Variants in EEF2K observed in about 807,000 individuals in gnomAD.
The protein encoded by EEF2K is alternative protein EEF2K.
Under a neutral mutation model 93.8 loss-of-function variants are expected in EEF2K, and 70 were observed. That is an observed-to-expected ratio of 0.75 (90% CI 0.62 to 0.91). EEF2K has a LOEUF of 0.91. EEF2K is among the 40% of genes least tolerant of loss of function. The pLI, the probability that EEF2K is intolerant of heterozygous loss-of-function variation, is 0.00. For synonymous variants in EEF2K, 376 were observed against 380.8 expected, an observed-to-expected ratio of 0.99 and a Z score of 0.15; for missense variants, 935 against 972.9, an observed-to-expected ratio of 0.96 and a Z score of 0.52.
chr16:22,242,366 G>A (rs1053655299), intron 2 of EEF2K, among the ~76,000 whole-genome samples: 5 of 151,996 alleles, frequency 3.3e-5, no homozygotes, highest in African/African-American at 1.2e-4. Context: ...CTGTCACCCA[G>A]GCTGGAGTGC....
chr16:22,248,158 G>A lies in EEF2K; in HGVS notation c.348-597G>A, dbSNP rs375444326. Among the ~76,000 whole-genome samples the A allele has an allele frequency of 4.6e-5, 7 of 151,998 alleles. No individual in the cohort carries two copies. The South Asian group carries it at 6.2e-4, about 14-fold the overall frequency. ...CGGCTCACTGTGACCTCCGCCTCCC[G>A]GGTTCAAGCGATTCTCCTGCCTCAG... On this transcript the variant is annotated intron_variant, in intron 3 of 17. Coordinates refer to ENST00000263026, the MANE Select transcript of EEF2K (RefSeq NM_013302.5).
At chr16:22,234,877 C>CTT (rs1173052779) in intron 2 of EEF2K, among the ~76,000 whole-genome samples, 2,926 of 90,548 alleles carry the variant, frequency 0.032, 136 homozygotes, top group Middle Eastern at 0.069. Flanking sequence ...TTTTTTGTTG[C>CTT]TTTTTTTTTT....
chr16:22,261,971 C>T (rs2047468420), intron 11 of EEF2K, among the ~76,000 whole-genome samples: 1 of 150,832 alleles, frequency 6.6e-6, no homozygotes, highest in African/African-American at 2.5e-5. Context: ...CGCCACTGCA[C>T]TACAGCCTGG....
At position 22,284,656 on chromosome 16, in the gene EEF2K, G is replaced by C. The variant is rs185853475; in HGVS notation, c.*660G>C. The C allele has an allele frequency of 6.9e-6, 1 of 145,452 alleles. No homozygotes were observed. Among genetic ancestry groups the C allele is most frequent in the East Asian group, 2.0e-4 (1 of 5,020 alleles). The allele number at this position is 145,452 out of a possible 1,614,324, so 9.0% of individuals were successfully genotyped here. On this transcript the variant is annotated 3_prime_UTR_variant, in exon 18 of 18. Coordinates refer to ENST00000263026, the MANE Select transcript of EEF2K (RefSeq NM_013302.5). Reference sequence around the variant, plus strand: ...GATATAAGAAAGTGCTTTTTGCCTTGAATGGACAATTTTAGGGCTGTGCTC... The same window carrying C: ...GATATAAGAAAGTGCTTTTTGCCTTCAATGGACAATTTTAGGGCTGTGCTC...
At chr16:22,255,722 A>T (rs1359270179) in intron 6 of EEF2K, among the ~76,000 whole-genome samples, 6 of 152,088 alleles carry the variant, frequency 3.9e-5, no homozygotes, top group Non-Finnish European at 2.9e-5. Flanking sequence ...CAGCCTAGGC[A>T]ACATAGTGAG....
rs144802812 is a variant in EEF2K at position 22,263,442 on chromosome 16, C to A, written c.1377+255C>A. 954 of 202,000 alleles carry A rather than the reference C, an allele frequency of 4.7e-3. 6 individuals are homozygous for A. The highest frequency in any genetic ancestry group is 0.021 in the African/African-American group (891 of 42,586). 12.5% of individuals were successfully genotyped at this position (202,000 alleles called of 1,614,324 possible). A position where few individuals can be genotyped will look rare whatever the true frequency, so the allele number is the denominator to read the frequency against. On this transcript the variant is annotated intron_variant, in intron 12 of 17. Transcript: ENST00000263026. ...TGGCCAACATGGTGAAACCCCGTCTCTACTAACAATACAAAAATTAGCCTG... is the reference window on the plus strand; with the variant it reads ...TGGCCAACATGGTGAAACCCCGTCTATACTAACAATACAAAAATTAGCCTG...
intron 1 of EEF2K, among the ~76,000 whole-genome samples, chr16:22,214,407 A>G (rs532907642): frequency 1.3e-5 from 2 of 151,900 alleles, no homozygotes; most frequent in Admixed American, 6.6e-5. Context: ...GCACCATTGC[A>G]CTCCAGCCTG....
At chr16:22,268,011 T>C (rs1277663043) in intron 15 of EEF2K, among the ~76,000 whole-genome samples, 1 of 152,052 alleles carries the variant, frequency 6.6e-6, no homozygotes, top group African/African-American at 2.4e-5. Flanking sequence ...CCTAGGCTCA[T>C]TGTGGGTGCA....
At chr16:22,236,491 C>T (rs1258330926) in intron 2 of EEF2K, among the ~76,000 whole-genome samples, 1 of 151,850 alleles carries the variant, frequency 6.6e-6, no homozygotes, top group Non-Finnish European at 1.5e-5. Flanking sequence ...GCCTAGACTT[C>T]TGAGCTGTAT....
At chr16:22,244,831 G>C (rs539865580) in intron 3 of EEF2K, 101 bp downstream of exon 3, 2 of 1,228,182 alleles carry the variant, frequency 1.6e-6, no homozygotes, top group South Asian at 2.6e-5. Flanking sequence ...TCAGGGGAAG[G>C]GAGTAATCAT....
intron 2 of EEF2K, among the ~76,000 whole-genome samples, chr16:22,230,693 T>A (rs1438145810): frequency 6.6e-6 from 1 of 152,144 alleles, no homozygotes; most frequent in Non-Finnish European, 1.5e-5. Flanking sequence ...AGCTGATTTT[T>A]AAAAAAATTT....
rs1352617643 is a variant in EEF2K at position 22,257,380 on chromosome 16, A to C, written c.896A>C (p.Asn299Thr). The change falls in exon 8 of 18, where the codon AAC becomes ACC. Residue 299 changes from asparagine (N) to threonine (T), a missense_variant. Coordinates refer to ENST00000263026, the MANE Select transcript of EEF2K (RefSeq NM_013302.5). Reference sequence around the variant, plus strand: ...ACGGGCACTGACTTTGGAGACGGCAACCTAGGTACGTGGGGAAAGCCAGCC... The same window carrying C: ...ACGGGCACTGACTTTGGAGACGGCACCCTAGGTACGTGGGGAAAGCCAGCC... ...TETGTDFGDG[N>T]LGVRGMALFF... is the part of the protein sequence containing the mutation. 5.0e-6 allele frequency: 8 copies of C among 1,613,206 alleles called. No individual in the cohort carries two copies. Among genetic ancestry groups the C allele is most frequent in the Non-Finnish European group, 6.8e-6 (8 of 1,179,788 alleles).
At position 22,222,401 on chromosome 16, in the gene EEF2K, G is replaced by A. The variant is rs969185109; in HGVS notation, c.-76-3253G>A. Among the ~76,000 whole-genome samples, 11 of 151,606 alleles carry A rather than the reference G, an allele frequency of 7.3e-5. No homozygotes were observed. In the South Asian group the frequency reaches 1.7e-3, roughly 23 times the overall value. On this transcript the variant is annotated intron_variant, in intron 1 of 17. Transcript: ENST00000263026. Reference sequence around the variant, plus strand: ...TTTGTATTTTTTTTGTAAAGTCAGGGTCCCATTATGTTGCCCAGGCTGGTC... The same window carrying A: ...TTTGTATTTTTTTTGTAAAGTCAGGATCCCATTATGTTGCCCAGGCTGGTC...
chr16:22,237,719 G>T (rs1204062883), intron 2 of EEF2K, among the ~76,000 whole-genome samples: 3 of 152,048 alleles, frequency 2.0e-5, no homozygotes, highest in African/African-American at 7.2e-5. Context: ...ATTGTAAAAA[G>T]AATGCAAACA....
chr16:22,251,931 C>A (rs1475090103), intron 6 of EEF2K, among the ~76,000 whole-genome samples: 2 of 152,026 alleles, frequency 1.3e-5, no homozygotes, highest in Admixed American at 1.3e-4. Flanking sequence ...GTAGCTGGGA[C>A]TACAGGGGTA....
chr16:22,244,734 A>T lies in EEF2K; in HGVS notation c.347+4A>T, dbSNP rs1480312050. 6.2e-7 allele frequency: 1 copy of T among 1,613,812 alleles called. No homozygotes were observed. Among genetic ancestry groups the T allele is most frequent in the East Asian group, 2.2e-5 (1 of 44,878 alleles). On this transcript the variant is annotated splice_donor_region_variant and intron_variant, in intron 3 of 17. Coordinates refer to ENST00000263026, the MANE Select transcript of EEF2K (RefSeq NM_013302.5). The stretch of plus-strand genomic sequence containing the variant: ...CCGAACGTGCTACTCGACACAGGTC[A>T]GCAGCTTGTGTGGGGTCTCGAGGAG...
intron 1 of EEF2K, among the ~76,000 whole-genome samples, chr16:22,209,622 T>G (rs868418904): frequency 6.6e-6 from 1 of 152,218 alleles, no homozygotes; most frequent in South Asian, 2.1e-4. Flanking sequence ...GGGAGATTGG[T>G]TCTGCTGACC....
At position 22,248,745 on chromosome 16, in the gene EEF2K, G is replaced by A. The variant is rs201291989; in HGVS notation, c.348-10G>A. The A allele has an allele frequency of 2.5e-6, 4 of 1,613,848 alleles. No homozygotes were observed. In the East Asian group the frequency reaches 6.7e-5, roughly 27 times the overall value. ...GGACGCTGTGCCCCATGGTGGATGG[G>A]TCTCTGCAGGTACAACGCCGTCACC... On this transcript the variant is annotated splice_polypyrimidine_tract_variant and intron_variant, in intron 3 of 17. Transcript: ENST00000263026.
chr16:22,256,653 C>A, intron 6 of EEF2K, 95 bp from the exon 7 acceptor site: 1 of 1,458,804 alleles, frequency 6.9e-7, no homozygotes, highest in Admixed American at 2.3e-5. Context: ...GGGTCTGAGC[C>A]CAGGCAGGCG....
Sources: gnomAD v4.1 joint callset for allele counts (sites outside exome capture counted in the v4.1 genomes callset) on GRCh38, gnomAD v4.1.1 for gene constraint, MANE v1.5 for transcripts, NCBI Gene and HGNC (gene_info 2026-07-23, HGNC 2026-07-21) for gene names.